Variants in CFAP61 observed in about 807,000 individuals in gnomAD.
CFAP61 encodes the protein cilia and flagella associated protein 61, also known as cilia- and flagella-associated protein 61.
CFAP61 carries 107 observed loss-of-function variants against 135.6 expected under a neutral mutation model. The ratio of observed to expected loss-of-function variants is 0.79; its 90% CI spans 0.67 to 0.93. The LOEUF (loss-of-function observed/expected upper bound fraction) is 0.93, where lower values mean the gene tolerates loss of function less well. Ranked by LOEUF, CFAP61 falls within the 40% of genes least tolerant of loss-of-function variation. The pLI is 0.00. For synonymous variants in CFAP61, 575 were observed against 578.5 expected, an observed-to-expected ratio of 0.99 and a Z score of 0.09; for missense variants, 1,507 against 1,556.2, an observed-to-expected ratio of 0.97 and a Z score of 0.53.
chr20:20,242,507 C>T (rs530853425), intron 18 of CFAP61, among the ~76,000 whole-genome samples: 4 of 152,336 alleles, frequency 2.6e-5, no homozygotes, highest in South Asian at 2.1e-4. Context: ...TGGAGCAGGG[C>T]GCTGCCTAGG....
chr20:20,142,093 T>A (rs1224937318), intron 8 of CFAP61, among the ~76,000 whole-genome samples: 1 of 152,122 alleles, frequency 6.6e-6, no homozygotes, highest in Non-Finnish European at 1.5e-5. Flanking sequence ...CAGGTCTCCC[T>A]CTTTAGGCAT....
intron 13 of CFAP61, among the ~76,000 whole-genome samples, chr20:20,170,283 A>G (rs1169295149): frequency 1.3e-5 from 2 of 152,356 alleles, no homozygotes; most frequent in African/African-American, 2.4e-5. Context: ...GTCTTATACT[A>G]TACCAAGTTT....
At chr20:20,161,925 G>C (rs890773847) in intron 10 of CFAP61, among the ~76,000 whole-genome samples, 1 of 152,050 alleles carries the variant, frequency 6.6e-6, no homozygotes, top group African/African-American at 2.4e-5. Flanking sequence ...TATTGCTGCT[G>C]TTACACATTA....
chr20:20,320,217 C>A (rs1036806525), intron 25 of CFAP61, among the ~76,000 whole-genome samples: 4 of 147,910 alleles, frequency 2.7e-5, no homozygotes, highest in African/African-American at 1.0e-4. Flanking sequence ...AAACAAAAAT[C>A]TGTGCCATTT....
At chr20:20,343,041 GGA>G (rs760470998) in intron 26 of CFAP61, among the ~76,000 whole-genome samples, 59 of 151,994 alleles carry the variant, frequency 3.9e-4, no homozygotes, top group Non-Finnish European at 7.1e-4. Context: ...TTGTATTTTT[GGA>G]GAGACAGGGC....
At chr20:20,285,727 G>T in intron 22 of CFAP61, among the ~76,000 whole-genome samples, 1 of 152,014 alleles carries the variant, frequency 6.6e-6, no homozygotes, top group East Asian at 1.9e-4. Context: ...AGACCAGCCT[G>T]GGCAACATGG....
Position 20,359,810 on chromosome 20 carries a change from A to T in CFAP61, c.3514-400A>T, listed in dbSNP as rs187165350. On this transcript the variant is annotated intron_variant, in intron 26 of 26. Transcript: ENST00000245957. This position sits in a 1 kb window ranked among gnomAD's most constrained non-coding sequence, Gnocchi z 4.0. ...GTGATATAAGCCAGTCACAAAAAAA[A>T]GTACTACAGGGTTCCACTCATATGA... 4.6e-4 allele frequency among the ~76,000 whole-genome samples: 70 copies of T among 152,368 alleles called. No homozygotes were observed. The highest frequency in any genetic ancestry group is 1.3e-3 in the African/African-American group (55 of 41,588).
intron 7 of CFAP61, among the ~76,000 whole-genome samples, chr20:20,095,161 A>G (rs1391566762): frequency 1.3e-5 from 2 of 151,996 alleles, no homozygotes; most frequent in Admixed American, 6.6e-5. Flanking sequence ...TATACAGTAG[A>G]TATAAGAAAT....
intron 8 of CFAP61, among the ~76,000 whole-genome samples, chr20:20,134,590 T>G (rs982679591): frequency 3.3e-5 from 5 of 152,048 alleles, no homozygotes; most frequent in Non-Finnish European, 7.4e-5. Context: ...AGGAAGGAGA[T>G]GAGGAGGGAT....
intron 2 of CFAP61, among the ~76,000 whole-genome samples, chr20:20,065,450 AGC>A (rs1235448943): frequency 1.3e-5 from 2 of 152,238 alleles, no homozygotes; most frequent in Non-Finnish European, 2.9e-5. Context: ...CTTAGAAGCC[AGC>A]GTATTTTCAG....
intron 22 of CFAP61, among the ~76,000 whole-genome samples, chr20:20,280,073 C>T (rs1316971109): frequency 6.6e-6 from 1 of 152,082 alleles, no homozygotes; most frequent in Non-Finnish European, 1.5e-5. Flanking sequence ...CCCCCAGTAC[C>T]AGTGAACATG....
At chr20:20,322,944 G>A (rs1480840650) in intron 25 of CFAP61, 1 of 985,300 alleles carries the variant, frequency 1.0e-6, no homozygotes, top group Non-Finnish European at 1.2e-6. Context: ...GACTGTGAGT[G>A]GTTTCCAGGG....
intron 13 of CFAP61, among the ~76,000 whole-genome samples, chr20:20,183,923 T>C (rs1170694894): frequency 6.6e-6 from 1 of 152,190 alleles, no homozygotes; most frequent in Non-Finnish European, 1.5e-5. Context: ...CTCTGAAATA[T>C]TCCTCTTTGG....
chr20:20,326,310 C>CT (rs2057746263), intron 25 of CFAP61, among the ~76,000 whole-genome samples: 1 of 151,914 alleles, frequency 6.6e-6, no homozygotes, highest in Admixed American at 6.6e-5. Flanking sequence ...TTTTTGATAT[C>CT]TTTTTTTATA....
At chr20:20,098,519 G>T in intron 7 of CFAP61, 136 bp from the exon 8 acceptor site, 1 of 698,684 alleles carries the variant, frequency 1.4e-6, no homozygotes, top group Admixed American at 3.2e-5. Context: ...CTGGGGAGAA[G>T]AATTGCTTGA....
At chr20:20,095,114 A>G (rs982838675) in intron 7 of CFAP61, among the ~76,000 whole-genome samples, 4 of 151,928 alleles carry the variant, frequency 2.6e-5, no homozygotes, top group African/African-American at 9.7e-5. Context: ...ACTATTCTCC[A>G]TGTTCTTGAG....
intron 26 of CFAP61, among the ~76,000 whole-genome samples, chr20:20,358,790 A>C (rs921247928): frequency 3.3e-5 from 5 of 152,154 alleles, no homozygotes; most frequent in African/African-American, 1.2e-4. Flanking sequence ...CTGTTTTCCT[A>C]TCTATAAGCT....
intron 16 of CFAP61, among the ~76,000 whole-genome samples, chr20:20,198,159 C>G (rs1467842605): frequency 6.6e-6 from 1 of 152,098 alleles, no homozygotes; most frequent in Non-Finnish European, 1.5e-5. Flanking sequence ...CAAAATGCAG[C>G]ACCATGGCAA....
At chr20:20,282,261 T>A (rs1010370566) in intron 22 of CFAP61, among the ~76,000 whole-genome samples, 3 of 152,168 alleles carry the variant, frequency 2.0e-5, no homozygotes, top group African/African-American at 7.2e-5. Context: ...ATTAACCAGC[T>A]TTTGAGTTTG....
Sources: allele counts gnomAD v4.1 joint callset (sites outside exome capture counted in the v4.1 genomes callset), GRCh38; gene constraint gnomAD v4.1.1; non-coding constraint Gnocchi (gnomAD v3.1); transcripts MANE v1.5; gene names NCBI Gene and HGNC (gene_info 2026-07-23, HGNC 2026-07-21).